The following SPTBN1 variants were observed in gnomAD, a reference collection of about 807,000 sequenced individuals.
The protein encoded by SPTBN1 is spectrin beta chain, non-erythrocytic 1.
SPTBN1 carries 32 observed loss-of-function variants against 266.4 expected under a neutral mutation model. That is an observed-to-expected ratio of 0.12 (90% CI 0.09 to 0.16). SPTBN1 has a LOEUF of 0.16. Ranked by LOEUF, SPTBN1 falls within the 10% of genes least tolerant of loss-of-function variation. SPTBN1 has a pLI of 1.00. For synonymous variants in SPTBN1, 1,336 were observed against 1,162.2 expected, an observed-to-expected ratio of 1.15 and a Z score of -3.04; for missense variants, 2,296 against 3,067.1, an observed-to-expected ratio of 0.75 and a Z score of 5.94.
intron 1 of SPTBN1, among the ~76,000 whole-genome samples, chr2:54,484,320 C>T (rs1264583703): frequency 6.6e-6 from 1 of 152,216 alleles, no homozygotes; most frequent in Admixed American, 6.5e-5. Flanking sequence ...ATTTTCCTCT[C>T]ATTCACTTCA....
chr2:54,631,994 T>C (rs1311578099), intron 16 of SPTBN1, among the ~76,000 whole-genome samples: 3 of 151,582 alleles, frequency 2.0e-5, no homozygotes, highest in Non-Finnish European at 4.4e-5. Context: ...GGAGAATCAC[T>C]TGAGCCCAGC....
chr2:54,632,495 C>T (rs900169233), intron 16 of SPTBN1, 71 bp from the exon 17 acceptor site: 24 of 1,459,020 alleles, frequency 1.6e-5, no homozygotes, highest in African/African-American at 4.2e-5. Flanking sequence ...CTATGTTGCA[C>T]GGAAATGTAG....
rs749718482 is a variant in SPTBN1 at position 54,645,984 on chromosome 2, C to T, written c.4551C>T (p.Leu1517=). ...LATSTDHGHN[L]QTVQLLIKKN... ...CTTCCACGGATCATGGCCACAACCT[C>T]CAGACTGTGCAGCTGTTAATAAAGA... The change falls in exon 22 of 36, where the codon CTC becomes CTT. Residue 1517 remains leucine, a synonymous_variant. Coordinates refer to ENST00000356805, the MANE Select transcript of SPTBN1 (RefSeq NM_003128.3). The surrounding 1 kb of genome is among the most constrained non-coding windows in gnomAD (Gnocchi z 4.3). 3 of 1,614,084 alleles carry T rather than the reference C, an allele frequency of 1.9e-6. No individual in the cohort carries two copies. The Admixed American group carries it at 5.0e-5, about 27-fold the overall frequency.
At chr2:54,663,106 T>C (rs976648179) in intron 32 of SPTBN1, 9 of 152,164 alleles carry the variant, frequency 5.9e-5, no homozygotes, top group African/African-American at 2.2e-4. Flanking sequence ...TTAGTTTTGT[T>C]CAAAATCAAG....
At chr2:54,548,361 G>C (rs1018691648) in intron 2 of SPTBN1, among the ~76,000 whole-genome samples, 1 of 152,188 alleles carries the variant, frequency 6.6e-6, no homozygotes, top group African/African-American at 2.4e-5. Flanking sequence ...TGGAAGCTGT[G>C]CTTGTACCGC....
intron 1 of SPTBN1, among the ~76,000 whole-genome samples, chr2:54,522,734 A>AAGAG (rs1264765255): frequency 6.6e-6 from 1 of 151,624 alleles, no homozygotes; most frequent in Non-Finnish European, 1.5e-5. Flanking sequence ...GAAAGAAAGA[A>AAGAG]ATCTGTGGAA....
At chr2:54,543,159 C>A (rs761595139) in intron 2 of SPTBN1, among the ~76,000 whole-genome samples, 19 of 152,320 alleles carry the variant, frequency 1.2e-4, no homozygotes, top group South Asian at 4.1e-4. Context: ...TGGAGTCCCA[C>A]ATGAGGTCCC....
Position 54,659,931 on chromosome 2 carries a change from A to G in SPTBN1, c.6357-5A>G. 1.2e-6 allele frequency: 2 copies of G among 1,613,940 alleles called. No individual in the cohort carries two copies. The highest frequency in any genetic ancestry group is 1.1e-5 in the South Asian group (1 of 91,044). ...CCTTCCTCCTTTTCCCCTCTTCCCT[A>G]ACAGGGATACTTCAAAAGGAGAACA... On this transcript the variant is annotated splice_region_variant and splice_polypyrimidine_tract_variant and intron_variant, in intron 31 of 35. Transcript: ENST00000356805.
intron 1 of SPTBN1, among the ~76,000 whole-genome samples, chr2:54,518,375 G>A (rs1670236710): frequency 6.7e-6 from 1 of 149,446 alleles, no homozygotes; most frequent in African/African-American, 2.5e-5. Context: ...AATGGGTGCA[G>A]CAAACCAACA....
At position 54,544,677 on chromosome 2, in the gene SPTBN1, G is replaced by A. The variant is rs367743919; in HGVS notation, c.148+18111G>A. 1.2e-3 allele frequency among the ~76,000 whole-genome samples: 186 copies of A among 152,266 alleles called. 4 individuals are homozygous for A. The South Asian group carries it at 0.035, about 29-fold the overall frequency. On this transcript the variant is annotated intron_variant, in intron 2 of 35. Coordinates refer to ENST00000356805, the MANE Select transcript of SPTBN1 (RefSeq NM_003128.3). The stretch of plus-strand genomic sequence containing the variant: ...CTACATCAAAAAGATATGGCAATAT[G>A]AATAAGATATAGAGATATAAAATAT...
intron 10 of SPTBN1, 131 bp from the exon 11 acceptor site, chr2:54,624,673 T>TG: frequency 7.5e-7 from 1 of 1,336,168 alleles, no homozygotes; most frequent in Non-Finnish European, 1.0e-6. Flanking sequence ...TCAGTGAGAG[T>TG]GGGAATGGGA....
intron 1 of SPTBN1, among the ~76,000 whole-genome samples, chr2:54,486,277 AAG>A (rs1018785921): frequency 2.0e-5 from 3 of 152,100 alleles, no homozygotes; most frequent in African/African-American, 7.2e-5. Context: ...GTGGAATAGA[AAG>A]GGGGGAAAGG....
In SPTBN1 at chr2:54,631,359, C is replaced by G. The variant is rs771653211; in HGVS notation, c.3312C>G (p.His1104Gln). Reference protein sequence around the residue: ...LTEAEKLLTQHENIKNEIDNY... With the variant: ...LTEAEKLLTQQENIKNEIDNY... The stretch of plus-strand genomic sequence containing the variant: ...AGGCTGAGAAGCTGCTCACGCAGCA[C>G]GAGAACATCAAGAACGAGATCGACA... The change falls in exon 16 of 36, where the codon CAC becomes CAG. Residue 1104 changes from histidine to glutamine, a missense_variant. Transcript: ENST00000356805. 3 of 1,614,180 alleles carry G rather than the reference C, an allele frequency of 1.9e-6. No individual in the cohort carries two copies. The highest frequency in any genetic ancestry group is 2.5e-6 in the Non-Finnish European group (3 of 1,180,030).
chr2:54,562,625 G>C (rs1025754360), intron 2 of SPTBN1, among the ~76,000 whole-genome samples: 4 of 146,244 alleles, frequency 2.7e-5, no homozygotes, highest in African/African-American at 1.0e-4. Context: ...CTGCCTCCCA[G>C]GCTCAAGTGA....
At chr2:54,506,836 G>C (rs1654291802) in intron 1 of SPTBN1, among the ~76,000 whole-genome samples, 1 of 151,386 alleles carries the variant, frequency 6.6e-6, no homozygotes, top group Non-Finnish European at 1.5e-5. Flanking sequence ...GCTGGGACTA[G>C]GGGTTTCAGA....
intron 24 of SPTBN1, among the ~76,000 whole-genome samples, chr2:54,648,106 G>C (rs1680036868): frequency 6.6e-6 from 1 of 152,200 alleles, no homozygotes; most frequent in South Asian, 2.1e-4. Flanking sequence ...GTACTCATCA[G>C]GCCCCTGTAT....
intron 18 of SPTBN1, among the ~76,000 whole-genome samples, chr2:54,641,424 A>G (rs74661341): frequency 6.6e-6 from 1 of 152,224 alleles, no homozygotes; most frequent in African/African-American, 2.4e-5. Context: ...ATACTGGGAA[A>G]AATTTTGTCA....
In SPTBN1 at chr2:54,491,448, T is replaced by C. The variant is rs80072870; in HGVS notation, c.-47-34924T>C. Among the ~76,000 whole-genome samples, 934 of 152,352 alleles carry C rather than the reference T, an allele frequency of 6.1e-3. 9 individuals are homozygous for C. Among genetic ancestry groups the C allele is most frequent in the African/African-American group, 0.021 (881 of 41,582 alleles). ...TGATCAGAAATTCTTGGTCATCTTA[T>C]GTAAGAATAACTTCTTGGAGTAAAT... is the stretch of plus-strand genomic sequence containing the variant. On this transcript the variant is annotated intron_variant, in intron 1 of 35. Coordinates refer to ENST00000356805, the MANE Select transcript of SPTBN1 (RefSeq NM_003128.3).
intron 1 of SPTBN1, among the ~76,000 whole-genome samples, chr2:54,479,503 C>T (rs968059687): frequency 2.6e-5 from 4 of 152,070 alleles, no homozygotes; most frequent in Admixed American, 6.5e-5. Flanking sequence ...ATTTATTATC[C>T]AAACTAGGTA....
Sources: gnomAD v4.1 joint callset for allele counts (sites outside exome capture counted in the v4.1 genomes callset) on GRCh38, gnomAD v4.1.1 for gene constraint, Gnocchi (gnomAD v3.1) non-coding constraint, MANE v1.5 for transcripts, NCBI Gene and HGNC (gene_info 2026-07-23, HGNC 2026-07-21) for gene names.